The following TTLL3 variants were observed in gnomAD, a reference collection of about 807,000 sequenced individuals.
TTLL3 encodes tubulin tyrosine ligase like 3.
A neutral mutation model predicts 75.2 loss-of-function variants in TTLL3; 63 were observed. That is an observed-to-expected ratio of 0.84 (90% CI 0.68 to 1.03). TTLL3 has a LOEUF of 1.03. TTLL3 is among the 50% of genes least tolerant of loss of function. The pLI, the probability that TTLL3 is intolerant of heterozygous loss-of-function variation, is 0.00. For synonymous variants in TTLL3, 393 were observed against 418.5 expected (o/e 0.94, Z 0.74); for missense variants, 997 against 1,069.9 (o/e 0.93, Z 0.95).
At chr3:9,814,632 A>AG (rs898105638) in intron 4 of TTLL3, among the ~76,000 whole-genome samples, 2 of 151,542 alleles carry the variant, frequency 1.3e-5, no homozygotes, top group Admixed American at 6.6e-5. Context: ...TGGGCGACAG[A>AG]GTGAGACTCT....
chr3:9,810,155 C>T (rs990064660), upstream of TTLL3: 98 of 1,473,208 alleles, frequency 6.7e-5, no homozygotes, highest in East Asian at 2.9e-3. This position sits in a 1 kb window ranked among gnomAD's most constrained non-coding sequence, Gnocchi z 4.4. Context: ...ACCAGTTTCC[C>T]CTCGGCGCGC....
chr3:9,832,080 ATTTTT>A (rs34646268), intron 11 of TTLL3, among the ~76,000 whole-genome samples: 6 of 84,804 alleles, frequency 7.1e-5, no homozygotes, highest in African/African-American at 2.5e-4. Flanking sequence ...CAATAGCTGC[ATTTTT>A]TTTTTTTTTT....
chr3:9,818,719 T>C, intron 6 of TTLL3, 103 bp from the exon 7 acceptor site: 1 of 1,590,378 alleles, frequency 6.3e-7, no homozygotes. Flanking sequence ...AAAGGTAGAG[T>C]CAGGTTCTGG....
At chr3:9,810,173 A>C (rs1399362186), upstream of TTLL3, 2 of 1,470,522 alleles carry the variant, frequency 1.4e-6, no homozygotes, top group Non-Finnish European at 8.9e-7. This position sits in a 1 kb window ranked among gnomAD's most constrained non-coding sequence, Gnocchi z 4.4. Flanking sequence ...CGCCGCTCCG[A>C]GTTCCGTCCA....
intron 8 of TTLL3, among the ~76,000 whole-genome samples, chr3:9,823,035 G>A (rs992472754): frequency 4.6e-5 from 7 of 151,258 alleles, no homozygotes; most frequent in Non-Finnish European, 8.8e-5. Flanking sequence ...CATGAAGTCA[G>A]GAGTTCAAGA....
intron 7 of TTLL3, chr3:9,820,262 C>T (rs2080284502): frequency 8.3e-7 from 1 of 1,206,158 alleles, no homozygotes; most frequent in Non-Finnish European, 1.0e-6. Context: ...TTAGAGGTCC[C>T]AGGGGCAGAG....
At chr3:9,829,530 C>G in intron 11 of TTLL3, 135 bp downstream of exon 11, 3 of 1,171,084 alleles carry the variant, frequency 2.6e-6, no homozygotes, top group African/African-American at 1.5e-5. Context: ...CTAAGGTGAC[C>G]TCACTTCCTT....
Position 9,810,704 on chromosome 3 carries a change from G to A in TTLL3, c.43G>A (p.Val15Ile). ...CGCCAAAATCTACGTGGAGAGAGCT[G>A]TCAAGGTCAGAGGAGGGGCAGGGGC... ...RNAKIYVERA[V>I]KQKKIFTIQG... Residue 15 changes from valine to isoleucine, a missense_variant, in exon 2 of 14, where the codon GTC (valine) becomes ATC (isoleucine). Physicochemically the swap from Val to Ile is conservative, Grantham distance 29. Coordinates refer to ENST00000685419, the MANE Select transcript of TTLL3 (RefSeq NM_001387446.1). The surrounding 1 kb of genome is among the most constrained non-coding windows in gnomAD (Gnocchi z 4.4). 1 of 1,585,934 alleles carries A rather than the reference G, an allele frequency of 6.3e-7. No individual in the cohort carries two copies. The highest frequency in any genetic ancestry group is 8.6e-7 in the Non-Finnish European group (1 of 1,166,426).
intron 8 of TTLL3, among the ~76,000 whole-genome samples, chr3:9,823,297 T>C (rs2080671648): frequency 6.6e-6 from 1 of 151,422 alleles, no homozygotes; most frequent in Admixed American, 6.6e-5. Flanking sequence ...GGCAGGAGAA[T>C]GGCGTGAACC....
intron 11 of TTLL3, among the ~76,000 whole-genome samples, chr3:9,830,843 C>G (rs1310949501): frequency 6.6e-6 from 1 of 152,032 alleles, no homozygotes; most frequent in Admixed American, 6.6e-5. Flanking sequence ...TGCTCTGTTG[C>G]CTAGGCTGGA....
chr3:9,827,909 AGGTG>A (rs1437722276), intron 10 of TTLL3: 2 of 152,380 alleles, frequency 1.3e-5, no homozygotes, highest in African/African-American at 4.8e-5. Flanking sequence ...TGGGAGGCCG[AGGTG>A]GGTGGATCAC....
intron 7 of TTLL3, 173 bp downstream of exon 7, chr3:9,819,093 A>C: frequency 2.4e-6 from 2 of 823,892 alleles, no homozygotes; most frequent in Non-Finnish European, 3.8e-6. Context: ...CCATCCATCC[A>C]CTCATCCACC....
intron 12 of TTLL3, 146 bp downstream of exon 12, chr3:9,833,391 A>G: frequency 7.8e-7 from 1 of 1,282,880 alleles, no homozygotes; most frequent in South Asian, 1.4e-5. Context: ...AAAGGGCCAC[A>G]GCCCTGGTCT....
At chr3:9,833,066 C>T (rs1356111098) in intron 11 of TTLL3, 38 bp from the exon 12 acceptor site, 1 of 1,612,052 alleles carries the variant, frequency 6.2e-7, no homozygotes, top group East Asian at 2.2e-5. Context: ...TCCAGTACCA[C>T]TGACTGAGTG....
At chr3:9,820,481 G>T (rs2080307919) in intron 7 of TTLL3, 65 bp from the exon 8 acceptor site, 2 of 1,592,948 alleles carry the variant, frequency 1.3e-6, no homozygotes, top group East Asian at 2.2e-5. Flanking sequence ...GACAATGGGG[G>T]CTGTGGCATG....
intron 11 of TTLL3, 73 bp downstream of exon 11, chr3:9,829,468 A>G (rs1575408743): frequency 1.3e-6 from 2 of 1,495,280 alleles, no homozygotes; most frequent in East Asian, 4.6e-5. Flanking sequence ...AGTGGAGCAT[A>G]GGACTCTGCA....
At position 9,835,494 on chromosome 3, in the gene TTLL3, A is replaced by G; in HGVS notation, c.*5A>G. On this transcript the variant is annotated 3_prime_UTR_variant, in exon 14 of 14. Coordinates refer to ENST00000685419, the MANE Select transcript of TTLL3 (RefSeq NM_001387446.1). ...GGGTCCACAGCAAGAGCCTGAGGCC[A>G]TCAGCAGCTCCTCCGTGCAGCGAGG... is the stretch of plus-strand genomic sequence containing the variant. The G allele has an allele frequency of 1.3e-6, 2 of 1,577,656 alleles. No individual in the cohort carries two copies. Among genetic ancestry groups the G allele is most frequent in the South Asian group, 1.2e-5 (1 of 85,616 alleles).
chr3:9,819,076 C>G, intron 7 of TTLL3, 156 bp downstream of exon 7: 1 of 976,510 alleles, frequency 1.0e-6, no homozygotes, highest in East Asian at 2.7e-5. Context: ...ATCCATCCAT[C>G]CACCAGCCAT....
At chr3:9,813,145 T>G (rs2079503840) in intron 3 of TTLL3, 34 bp downstream of exon 3, 1 of 1,597,232 alleles carries the variant, frequency 6.3e-7, no homozygotes. Context: ...CAGCTGTTGC[T>G]CCTGAGTCCT....
Sources: gnomAD v4.1 joint callset for allele counts (sites outside exome capture counted in the v4.1 genomes callset) on GRCh38, gnomAD v4.1.1 for gene constraint, Gnocchi (gnomAD v3.1) non-coding constraint, MANE v1.5 for transcripts, NCBI Gene and HGNC (gene_info 2026-07-23, HGNC 2026-07-21) for gene names.